The following CDH13 variants were observed in gnomAD, a reference collection of about 807,000 sequenced individuals.
CDH13 encodes cadherin-13.
In CDH13, 24 loss-of-function variants were observed where a neutral mutation model predicts 63.8. That is an observed-to-expected ratio of 0.38 (90% CI 0.27 to 0.53). CDH13 has a LOEUF of 0.53. Among genes scored for constraint, CDH13 ranks in the 20% least tolerant of loss-of-function variants. CDH13 has a pLI of 0.85. For synonymous variants in CDH13, 503 were observed against 355.3 expected (o/e 1.42, Z -4.67); for missense variants, 1,049 against 903.1 (o/e 1.16, Z -2.07).
In CDH13 at chr16:83,454,002, C is replaced by G. The variant is rs1454204036; in HGVS notation, c.782-32475C>G. On this transcript the variant is annotated intron_variant, in intron 6 of 13. Transcript: ENST00000567109. ...CTGAAGGCTAGGTTCTAGATATCCT[C>G]TCATCTTTATCTTTGCAACTTTATC... 3.9e-5 allele frequency among the ~76,000 whole-genome samples: 6 copies of G among 152,246 alleles called. No individual in the cohort carries two copies. The South Asian group carries it at 1.0e-3, about 26-fold the overall frequency.
At chr16:82,687,667 G>C (rs932969893) in intron 1 of CDH13, among the ~76,000 whole-genome samples, 13 of 152,138 alleles carry the variant, frequency 8.5e-5, no homozygotes, top group African/African-American at 2.9e-4. Context: ...TTCCTCCCAT[G>C]ACATGTGGGG....
At chr16:83,286,970 T>G (rs1454656102) in intron 5 of CDH13, among the ~76,000 whole-genome samples, 1 of 152,080 alleles carries the variant, frequency 6.6e-6, no homozygotes, top group Admixed American at 6.6e-5. Context: ...TTATAACCTG[T>G]ACCCCATAGA....
chr16:83,664,704 G>A (rs1350148447), intron 8 of CDH13, among the ~76,000 whole-genome samples: 1 of 152,052 alleles, frequency 6.6e-6, no homozygotes, highest in African/African-American at 2.4e-5. Flanking sequence ...TCTGCAGATG[G>A]ATATCCAATT....
chr16:82,914,756 A>T (rs538825743), intron 2 of CDH13, among the ~76,000 whole-genome samples: 1 of 152,322 alleles, frequency 6.6e-6, no homozygotes, highest in South Asian at 2.1e-4. Flanking sequence ...AGGAGAGTGG[A>T]GAATGTGGAA....
chr16:83,467,927 GC>G (rs1171168077), intron 6 of CDH13, among the ~76,000 whole-genome samples: 3 of 152,174 alleles, frequency 2.0e-5, no homozygotes, highest in Admixed American at 1.3e-4. Flanking sequence ...CTGTCATGAG[GC>G]TTTCTGTGAG....
chr16:83,594,763 T>C (rs988293302), intron 7 of CDH13, among the ~76,000 whole-genome samples: 1 of 152,216 alleles, frequency 6.6e-6, no homozygotes, highest in Non-Finnish European at 1.5e-5. Context: ...TTATTAGTGA[T>C]AAATGTTCTG....
intron 6 of CDH13, among the ~76,000 whole-genome samples, chr16:83,355,298 A>G (rs1267288710): frequency 6.6e-6 from 1 of 152,222 alleles, no homozygotes; most frequent in African/African-American, 2.4e-5. Flanking sequence ...CCAGCTTATT[A>G]TAACTGATGC....
intron 13 of CDH13, among the ~76,000 whole-genome samples, chr16:83,784,296 G>A (rs1458418599): frequency 2.0e-5 from 3 of 152,134 alleles, no homozygotes; most frequent in Non-Finnish European, 4.4e-5. Flanking sequence ...GGACATTCAC[G>A]TATATAAAGC....
chr16:83,620,074 G>A (rs950514676), intron 8 of CDH13, among the ~76,000 whole-genome samples: 1 of 151,878 alleles, frequency 6.6e-6, no homozygotes, highest in African/African-American at 2.4e-5. Flanking sequence ...AGTGCATGGG[G>A]AAGACATTGG....
rs575789282 is a variant in CDH13 at position 83,111,835 on chromosome 16, G to T, written c.367-13550G>T. On this transcript the variant is annotated intron_variant, in intron 3 of 13. Transcript: ENST00000567109. ...TTATGGAATATCAAAAACCTAAAGA[G>T]AAAGAGAAATAAAAATAAACTATAT... is the stretch of plus-strand genomic sequence containing the variant. 2.2e-4 allele frequency among the ~76,000 whole-genome samples: 33 copies of T among 152,124 alleles called. 1 individual carries two copies. The South Asian group carries it at 5.2e-3, about 24-fold the overall frequency.
At chr16:83,196,802 C>G (rs2038891889) in intron 4 of CDH13, among the ~76,000 whole-genome samples, 1 of 152,100 alleles carries the variant, frequency 6.6e-6, no homozygotes, top group Non-Finnish European at 1.5e-5. Flanking sequence ...CAAATGCTGG[C>G]AAAGATGTGC....
At chr16:83,015,970 C>A (rs1208549490) in intron 2 of CDH13, among the ~76,000 whole-genome samples, 1 of 151,782 alleles carries the variant, frequency 6.6e-6, no homozygotes, top group Admixed American at 6.6e-5. Context: ...GCTGCATTGG[C>A]TTTTACTTCT....
chr16:83,748,717 A>G (rs1256936382), intron 11 of CDH13, among the ~76,000 whole-genome samples: 5 of 152,216 alleles, frequency 3.3e-5, no homozygotes, highest in African/African-American at 7.2e-5. Flanking sequence ...TGGCTGCACA[A>G]CCACAAAGCA....
At chr16:83,135,553 G>A (rs12149397) in intron 4 of CDH13, among the ~76,000 whole-genome samples, 43,116 of 151,992 alleles carry the variant, frequency 0.28, 6,253 homozygotes, top group South Asian at 0.36. Context: ...ATTGTACCAG[G>A]GCTCTGGATG....
intron 1 of CDH13, among the ~76,000 whole-genome samples, chr16:82,647,937 G>A (rs1910292112): frequency 6.6e-6 from 1 of 152,154 alleles, no homozygotes; most frequent in African/African-American, 2.4e-5. Flanking sequence ...AAGCTTAGGG[G>A]CAGGTTTTCC....
chr16:83,464,267 C>G (rs952982333), intron 6 of CDH13, among the ~76,000 whole-genome samples: 6 of 152,064 alleles, frequency 3.9e-5, no homozygotes, highest in African/African-American at 1.4e-4. Flanking sequence ...AATCCCAGCA[C>G]TTTGGGAGGC....
intron 1 of CDH13, among the ~76,000 whole-genome samples, chr16:82,756,040 A>G (rs1270908355): frequency 1.3e-5 from 2 of 152,230 alleles, no homozygotes; most frequent in Non-Finnish European, 2.9e-5. Context: ...GAAGCAATAA[A>G]GCAAGTGGTA....
At chr16:82,670,426 C>G (rs1201509131) in intron 1 of CDH13, among the ~76,000 whole-genome samples, 2 of 152,196 alleles carry the variant, frequency 1.3e-5, no homozygotes, top group East Asian at 1.9e-4. Context: ...AAAAATATCA[C>G]TTGAAACCAA....
chr16:82,859,124 C>T (rs1358626685), intron 2 of CDH13: 1 of 152,200 alleles, frequency 6.6e-6, no homozygotes, highest in Non-Finnish European at 1.5e-5. Context: ...TGTTAGGGTA[C>T]ATTGCTAAAT....
Sources: gnomAD v4.1 joint callset for allele counts (sites outside exome capture counted in the v4.1 genomes callset) on GRCh38, gnomAD v4.1.1 for gene constraint, MANE v1.5 for transcripts, NCBI Gene and HGNC (gene_info 2026-07-23, HGNC 2026-07-21) for gene names.